Variants in SULF2 observed in about 807,000 individuals in gnomAD.
SULF2 encodes extracellular sulfatase Sulf-2.
A neutral mutation model predicts 107.7 loss-of-function variants in SULF2; 52 were observed. The ratio of observed to expected loss-of-function variants is 0.48; its 90% CI spans 0.39 to 0.61. The LOEUF (loss-of-function observed/expected upper bound fraction) is 0.61, where lower values mean the gene tolerates loss of function less well. Among genes scored for constraint, SULF2 ranks in the 20% least tolerant of loss-of-function variants. The pLI is 0.00. For synonymous variants in SULF2, 460 were observed against 464.3 expected (o/e 0.99, Z 0.12); for missense variants, 993 against 1,177.3 (o/e 0.84, Z 2.29).
At chr20:47,701,857 C>T (rs555610813) in intron 4 of SULF2, among the ~76,000 whole-genome samples, 11 of 152,166 alleles carry the variant, frequency 7.2e-5, no homozygotes, top group South Asian at 2.1e-4. Context: ...GGGGGAATTC[C>T]GTGAGGGGAC....
chr20:47,773,363 C>T (rs745983326), intron 1 of SULF2, among the ~76,000 whole-genome samples: 32 of 152,236 alleles, frequency 2.1e-4, no homozygotes, highest in Non-Finnish European at 4.3e-4. Flanking sequence ...AAGGAAATGG[C>T]ATCTGAGCTG....
At chr20:47,729,746 G>C (rs1386726460) in intron 3 of SULF2, among the ~76,000 whole-genome samples, 2 of 152,166 alleles carry the variant, frequency 1.3e-5, no homozygotes, top group Non-Finnish European at 2.9e-5. Flanking sequence ...CTGGGGCGAT[G>C]GCCAGGAGGC....
chr20:47,692,719 C>T (rs988908442), intron 4 of SULF2, among the ~76,000 whole-genome samples: 3 of 152,226 alleles, frequency 2.0e-5, no homozygotes, highest in African/African-American at 7.2e-5. Context: ...AAGCAATCCT[C>T]CTGCCTCAGC....
At chr20:47,720,220 T>C (rs2089246910) in intron 3 of SULF2, among the ~76,000 whole-genome samples, 1 of 152,172 alleles carries the variant, frequency 6.6e-6, no homozygotes, top group Admixed American at 6.5e-5. Flanking sequence ...CTGAAAGTGC[T>C]GGAATTACAG....
At chr20:47,702,341 T>G (rs2088598809) in intron 4 of SULF2, among the ~76,000 whole-genome samples, 178 bp downstream of exon 4, 1 of 152,190 alleles carries the variant, frequency 6.6e-6, no homozygotes, top group African/African-American at 2.4e-5. Context: ...ATTACAGGCG[T>G]GAGCCACTGT....
rs576194083 is a variant in SULF2 at position 47,674,337 on chromosome 20, C to T, written c.1381-1944G>A. Among the ~76,000 whole-genome samples, 42 of 152,306 alleles carry T rather than the reference C, an allele frequency of 2.8e-4. 1 individual carries two copies. The highest frequency in any genetic ancestry group is 5.1e-4 in the Non-Finnish European group (35 of 68,032). On this transcript the variant is annotated intron_variant, in intron 10 of 20. Transcript: ENST00000688720. ...CTACAGCTGCTGAGAACGAAGGTCCCGCAGCCCAACTACCTGGGTTCAAAT... is the reference window on the plus strand; with the variant it reads ...CTACAGCTGCTGAGAACGAAGGTCCTGCAGCCCAACTACCTGGGTTCAAAT...
intron 4 of SULF2, among the ~76,000 whole-genome samples, chr20:47,701,053 C>T (rs115434735): frequency 0.025 from 3,750 of 152,256 alleles, 165 homozygotes; most frequent in African/African-American, 0.085. Context: ...AAGATGTTCA[C>T]GGCAGCTTAG....
At chr20:47,691,494 CG>C (rs1462559538) in intron 4 of SULF2, among the ~76,000 whole-genome samples, 1 of 152,098 alleles carries the variant, frequency 6.6e-6, no homozygotes, top group Non-Finnish European at 1.5e-5. Flanking sequence ...GATTGGCCTG[CG>C]GTTTGGCCCA....
chr20:47,707,958 G>C (rs1264909841), intron 3 of SULF2, among the ~76,000 whole-genome samples: 1 of 152,178 alleles, frequency 6.6e-6, no homozygotes, highest in Non-Finnish European at 1.5e-5. Flanking sequence ...CAGTGTACCT[G>C]GGCATGGTAC....
chr20:47,728,093 G>A (rs948291379), intron 3 of SULF2, among the ~76,000 whole-genome samples: 7 of 152,168 alleles, frequency 4.6e-5, no homozygotes, highest in Non-Finnish European at 7.3e-5. Context: ...TACCTGCTGT[G>A]AGCAGTGGAT....
At chr20:47,684,619 G>C in intron 5 of SULF2, 38 bp from the exon 6 acceptor site, 1 of 1,600,240 alleles carries the variant, frequency 6.2e-7, no homozygotes, top group Non-Finnish European at 8.5e-7. Flanking sequence ...CAAACCCAGG[G>C]ACAGCCTGGA....
At chr20:47,773,525 C>T (rs1160418705) in intron 1 of SULF2, among the ~76,000 whole-genome samples, 2 of 152,228 alleles carry the variant, frequency 1.3e-5, no homozygotes, top group Non-Finnish European at 2.9e-5. Context: ...GCTGGACACC[C>T]CTTTGCCCCA....
intron 1 of SULF2, among the ~76,000 whole-genome samples, chr20:47,770,665 A>G (rs759349219): frequency 2.0e-4 from 30 of 152,190 alleles, no homozygotes; most frequent in Admixed American, 4.6e-4. Context: ...CATGGCAGGA[A>G]GGGCTGGTCT....
chr20:47,728,521 G>A (rs1332625254), intron 3 of SULF2, among the ~76,000 whole-genome samples: 2 of 152,130 alleles, frequency 1.3e-5, no homozygotes, highest in East Asian at 1.9e-4. Flanking sequence ...GACAGAATGT[G>A]GAGACTTAGT....
intron 2 of SULF2, among the ~76,000 whole-genome samples, chr20:47,745,392 AAAAAAAAAAAAAAAAAAAAT>A (rs1472649937): frequency 3.8e-4 from 6 of 15,800 alleles, no homozygotes; most frequent in Admixed American, 2.0e-3. Flanking sequence ...GAAAAAAAAA[AAAAAAAAAAAAAAAAAAAAT>A]ATATATATAT....
intron 2 of SULF2, among the ~76,000 whole-genome samples, chr20:47,752,867 C>T (rs2090189754): frequency 2.6e-5 from 4 of 152,088 alleles, no homozygotes; most frequent in South Asian, 4.1e-4. Context: ...TTTGGGAGGC[C>T]GAGGCGGCGG....
In SULF2 at chr20:47,740,241, G is replaced by T. The variant is rs1043349775; in HGVS notation, c.176-3299C>A. 2.0e-5 allele frequency among the ~76,000 whole-genome samples: 3 copies of T among 152,236 alleles called. No individual in the cohort carries two copies. In the East Asian group the frequency reaches 5.8e-4, roughly 29 times the overall value. ...CTGGGGAGCTGAATGACTGGCTAAG[G>T]CTGCACAGCTGGGAAGGCAGTGAAG... On this transcript the variant is annotated intron_variant, in intron 2 of 20. Coordinates refer to ENST00000688720, the MANE Select transcript of SULF2 (RefSeq NM_001387048.1).
In SULF2 at chr20:47,680,733, T is replaced by C. The variant is rs1270842953; in HGVS notation, c.1065-1929A>G. Among the ~76,000 whole-genome samples the C allele has an allele frequency of 6.6e-6, 1 of 152,202 alleles. No homozygotes were observed. The highest frequency in any genetic ancestry group is 1.5e-5 in the Non-Finnish European group (1 of 68,020). On this transcript the variant is annotated intron_variant, in intron 7 of 20. Coordinates refer to ENST00000688720, the MANE Select transcript of SULF2 (RefSeq NM_001387048.1). The surrounding 1 kb of genome is among the most constrained non-coding windows in gnomAD (Gnocchi z 4.2). The stretch of plus-strand genomic sequence containing the variant: ...CCAGAGGCGAGGGAGCTGGGAAGAC[T>C]GCTGAGCGACGGGCGCTCTGCAGAA...
intron 1 of SULF2, among the ~76,000 whole-genome samples, chr20:47,778,215 A>C (rs972204634): frequency 6.6e-6 from 1 of 152,218 alleles, no homozygotes; most frequent in African/African-American, 2.4e-5. Context: ...CCATGAGCCA[A>C]TAAGAAAAGC....
Sources: gnomAD v4.1 joint callset for allele counts (sites outside exome capture counted in the v4.1 genomes callset) on GRCh38, gnomAD v4.1.1 for gene constraint, Gnocchi (gnomAD v3.1) non-coding constraint, MANE v1.5 for transcripts, NCBI Gene and HGNC (gene_info 2026-07-23, HGNC 2026-07-21) for gene names.